MYO1H: variants seen among roughly 807,000 people sequenced by gnomAD.
MYO1H encodes unconventional myosin-Ih.
In MYO1H, 118 loss-of-function variants were observed where a neutral mutation model predicts 149.3. That is an observed-to-expected ratio of 0.79 (90% confidence interval 0.68 to 0.92). The LOEUF (loss-of-function observed/expected upper bound fraction) is 0.92. MYO1H is among the 40% of genes least tolerant of loss of function. The probability of loss-of-function intolerance (pLI) is 0.00; values close to 1 mark genes in which losing one functional copy is unlikely to be tolerated. For synonymous variants in MYO1H, 447 were observed against 465.2 expected (o/e 0.96, Z 0.50); for missense variants, 1,212 against 1,280.7 (o/e 0.95, Z 0.82).
chr12:109,341,152 G>A, the MYO1H span, among the ~76,000 whole-genome samples: 1 of 129,298 alleles, frequency 7.7e-6, no homozygotes, highest in African/African-American at 3.0e-5. Flanking sequence ...TGTGCCACTT[G>A]CACTCTAGCC....
At position 109,441,224 on chromosome 12, in the gene MYO1H, G is replaced by T. The variant is rs1373496150; in HGVS notation, c.2539-391G>T. ...GGAATTACTCAACTCTGCTGCTACA[G>T]TGAGAAAGCAGCCATGGACAATGTG... On this transcript the variant is annotated intron_variant, in intron 25 of 31. Coordinates refer to ENST00000310903, the Ensembl canonical transcript of MYO1H. Among the ~76,000 whole-genome samples, 4 of 152,218 alleles carry T rather than the reference G, an allele frequency of 2.6e-5. No individual in the cohort carries two copies. The East Asian group carries it at 7.7e-4, about 29-fold the overall frequency.
chr12:109,332,984 G>A, the MYO1H span, among the ~76,000 whole-genome samples: 5 of 152,074 alleles, frequency 3.3e-5, no homozygotes, highest in African/African-American at 1.2e-4. Context: ...TATTATGACC[G>A]CAATTCTATG....
rs1870456829 is a variant in MYO1H at position 109,407,711 on chromosome 12, T to A, written c.1036-83T>A. ...AGACCCTGTCTCATTATTTTATTTT[T>A]TTTTTAAGAAAAAAGACTTCTTTGA... On this transcript the variant is annotated intron_variant, in intron 9 of 31. Coordinates refer to ENST00000310903, the Ensembl canonical transcript of MYO1H. 2.4e-5 allele frequency: 35 copies of A among 1,437,504 alleles called. No homozygotes were observed. The South Asian group carries it at 2.9e-4, about 12-fold the overall frequency. The allele number at this position is 1,437,504 out of a possible 1,614,324, so 89.0% of individuals were successfully genotyped here.
chr12:109,332,652 ACTGCAGC>A, the MYO1H span, among the ~76,000 whole-genome samples: 1 of 152,240 alleles, frequency 6.6e-6, no homozygotes, highest in East Asian at 1.9e-4. Flanking sequence ...ATCCTAGCAC[ACTGCAGC>A]CTCAAACTCC....
rs879004900 is a variant in MYO1H at position 109,357,691 on chromosome 12, C to T, written c.12+9719C>T. Among the ~76,000 whole-genome samples, 2 of 142,314 alleles carry T rather than the reference C, an allele frequency of 1.4e-5. 1 individual carries two copies. The highest frequency in any genetic ancestry group is 5.5e-5 in the African/African-American group (2 of 36,694). 93.4% of individuals were successfully genotyped at this position (142,314 alleles called of 152,430 possible). A position where few individuals can be genotyped will look rare whatever the true frequency, so the allele number is the denominator to read the frequency against. ...ATTTCTCATGCCATGAAATACTATT[C>T]TCTTGATTTTTTTTCTCCCAACCAT... On this transcript the variant is annotated intron_variant, in intron 1 of 31. Coordinates refer to ENST00000310903, the Ensembl canonical transcript of MYO1H.
chr12:109,400,961 A>G, intron 5 of MYO1H, 132 bp from the exon 6 acceptor site: 2 of 801,026 alleles, frequency 2.5e-6, no homozygotes, highest in African/African-American at 1.7e-5. Context: ...GAAGATTGAT[A>G]TGTCCAAAAA....
At chr12:109,356,620 G>GA (rs1233972302) in intron 1 of MYO1H, among the ~76,000 whole-genome samples, 1 of 152,090 alleles carries the variant, frequency 6.6e-6, no homozygotes, top group Non-Finnish European at 1.5e-5. Context: ...TGCTGAAAAA[G>GA]ATGGTCATGT....
chr12:109,384,433 T>C (rs1869263639), intron 1 of MYO1H, among the ~76,000 whole-genome samples: 1 of 152,230 alleles, frequency 6.6e-6, no homozygotes, highest in Non-Finnish European at 1.5e-5. Context: ...AATGCTCTCT[T>C]TATAAGTCTC....
At chr12:109,377,615 A>G (rs776191581) in intron 1 of MYO1H, among the ~76,000 whole-genome samples, 3 of 152,320 alleles carry the variant, frequency 2.0e-5, no homozygotes, top group Middle Eastern at 3.4e-3. Context: ...GCAACCACCA[A>G]TCTGCATTCT....
chr12:109,401,075 TTTTG>T lies in MYO1H; in HGVS notation c.571-15_571-12del, dbSNP rs766300724. 6.2e-7 allele frequency: 1 copy of T among 1,608,400 alleles called. No individual in the cohort carries two copies. Among genetic ancestry groups the T allele is most frequent in the East Asian group, 2.2e-5 (1 of 44,764 alleles). ...GTTTGATTGTTGTCACTGCTGCAAT[TTTTG>T]TTCTGTTTTGAAGGGCATTCCCGTA... On this transcript the variant is annotated splice_polypyrimidine_tract_variant and intron_variant, in intron 5 of 31. Coordinates refer to ENST00000310903, the Ensembl canonical transcript of MYO1H.
intron 3 of MYO1H, 98 bp downstream of exon 3, chr12:109,393,544 C>CAACCATTG (rs1869758771): frequency 1.8e-5 from 10 of 550,102 alleles, no homozygotes; most frequent in African/African-American, 1.6e-4. Context: ...TCCATTCATC[C>CAACCATTG]ATCCATCCAT....
intron 3 of MYO1H, among the ~76,000 whole-genome samples, chr12:109,394,242 C>T (rs1215321363): frequency 6.6e-6 from 1 of 152,166 alleles, no homozygotes; most frequent in African/African-American, 2.4e-5. Flanking sequence ...TCCTTCTTAA[C>T]ATGTAACTGA....
intron 2 of MYO1H, among the ~76,000 whole-genome samples, chr12:109,391,781 T>C (rs1869667763): frequency 6.6e-6 from 1 of 152,216 alleles, no homozygotes; most frequent in Non-Finnish European, 1.5e-5. Flanking sequence ...TGATATCTCA[T>C]TGTGGTTTGG....
At chr12:109,318,967 G>GTTTTTT in the MYO1H span, among the ~76,000 whole-genome samples, 143 of 79,606 alleles carry the variant, frequency 1.8e-3, 7 homozygotes, top group Middle Eastern at 8.5e-3. Flanking sequence ...TGCGTTTTTG[G>GTTTTTT]TTTTGTTTTT....
the MYO1H span, among the ~76,000 whole-genome samples, chr12:109,336,038 T>G: frequency 2.0e-5 from 3 of 152,096 alleles, no homozygotes; most frequent in Admixed American, 2.0e-4. Context: ...TGAAGTGCAG[T>G]GGCACAATCA....
At chr12:109,425,851 C>A in intron 17 of MYO1H, 95 bp from the exon 18 acceptor site, 1 of 884,612 alleles carries the variant, frequency 1.1e-6, no homozygotes, top group South Asian at 1.4e-5. Context: ...CTCTATAGGG[C>A]TGACACCTTG....
intron 1 of MYO1H, among the ~76,000 whole-genome samples, chr12:109,371,222 T>C (rs1043800152): frequency 7.4e-5 from 11 of 148,092 alleles, no homozygotes; most frequent in Non-Finnish European, 1.2e-4. Context: ...TCTTTTTTTT[T>C]TTTTTTTTTT....
chr12:109,327,915 G>T, the MYO1H span, among the ~76,000 whole-genome samples: 1 of 151,684 alleles, frequency 6.6e-6, no homozygotes, highest in African/African-American at 2.4e-5. Flanking sequence ...TCAGTGCTGG[G>T]TCCTGTCCCA....
the MYO1H span, among the ~76,000 whole-genome samples, chr12:109,336,411 A>T: frequency 9.4e-3 from 1,437 of 152,218 alleles, 22 homozygotes; most frequent in African/African-American, 0.033. Flanking sequence ...TTCAACTCAA[A>T]CTGGCTTGAG....
Sources: gnomAD v4.1 joint callset for allele counts (sites outside exome capture counted in the v4.1 genomes callset) on GRCh38, gnomAD v4.1.1 for gene constraint, MANE v1.5 for transcripts, NCBI Gene and HGNC (gene_info 2026-07-23, HGNC 2026-07-21) for gene names.